AK9: variants seen among roughly 807,000 people sequenced by gnomAD.
AK9 encodes the protein adenylate kinase domain containing 1.
AK9 carries 191 observed loss-of-function variants against 239.6 expected under a neutral mutation model. That is an observed-to-expected ratio of 0.80 (90% CI 0.71 to 0.90). The LOEUF (loss-of-function observed/expected upper bound fraction) is 0.90. Among genes scored for constraint, AK9 ranks in the 40% least tolerant of loss-of-function variants. The probability of loss-of-function intolerance (pLI) is 0.00; values close to 1 mark genes in which losing one functional copy is unlikely to be tolerated. For synonymous variants in AK9, 689 were observed against 721.0 expected (o/e 0.96, Z 0.71); for missense variants, 1,995 against 2,214.7 (o/e 0.90, Z 1.99).
Position 109,641,722 on chromosome 6 carries a change from G to C in AK9, c.835-106C>G, listed in dbSNP as rs920838767. On this transcript the variant is annotated intron_variant, in intron 9 of 40. Coordinates refer to ENST00000424296, the MANE Select transcript of AK9 (RefSeq NM_001145128.3). Reference sequence around the variant, plus strand: ...CAAGACCATGCTCCCCCTGACTCTGGGTCGAATCCTTGCTTGCTTCTTCTG... The same window carrying C: ...CAAGACCATGCTCCCCCTGACTCTGCGTCGAATCCTTGCTTGCTTCTTCTG... The C allele has an allele frequency of 4.3e-6, 4 of 931,286 alleles. No homozygotes were observed. In the East Asian group the frequency reaches 8.3e-5, roughly 19 times the overall value. The allele number at this position is 931,286 out of a possible 1,614,324, so 57.7% of individuals were successfully genotyped here. A position where few individuals can be genotyped will look rare whatever the true frequency, so the allele number is the denominator to read the frequency against.
chr6:109,645,714 C>A (rs1385411005), intron 8 of AK9, among the ~76,000 whole-genome samples: 1 of 152,188 alleles, frequency 6.6e-6, no homozygotes, highest in Non-Finnish European at 1.5e-5. Context: ...GTGGTTCTCC[C>A]AGCACAGAGT....
intron 1 of AK9, among the ~76,000 whole-genome samples, chr6:109,677,977 A>T (rs1401689886): frequency 6.6e-6 from 1 of 152,244 alleles, no homozygotes; most frequent in Non-Finnish European, 1.5e-5. Flanking sequence ...TGGGAATATA[A>T]AATGGTATAG....
At chr6:109,579,747 T>C in intron 19 of AK9, 121 bp from the exon 20 acceptor site, 1 of 853,490 alleles carries the variant, frequency 1.2e-6, no homozygotes, top group Admixed American at 3.6e-5. Context: ...TACTTTACAA[T>C]GTATATTTTT....
intron 12 of AK9, among the ~76,000 whole-genome samples, chr6:109,627,532 G>C (rs947815025): frequency 1.6e-4 from 24 of 152,148 alleles, no homozygotes; most frequent in Non-Finnish European, 2.9e-5. Context: ...TAAGTAACTT[G>C]TGCTATGATG....
chr6:109,579,345 C>A (rs978739897), intron 20 of AK9: 8 of 489,080 alleles, frequency 1.6e-5, no homozygotes, highest in Admixed American at 7.7e-5. Context: ...TCCATTACTT[C>A]AGTAACAATA....
At chr6:109,682,733 C>T (rs142323057) in intron 1 of AK9, among the ~76,000 whole-genome samples, 32 of 152,228 alleles carry the variant, frequency 2.1e-4, no homozygotes, top group African/African-American at 7.0e-4. Context: ...CAATAACAAG[C>T]TCTGAAATTG....
intron 35 of AK9, among the ~76,000 whole-genome samples, chr6:109,501,461 T>C (rs12192774): frequency 0.051 from 7,828 of 152,030 alleles, 403 homozygotes; most frequent in East Asian, 0.23. Context: ...AAACAGGGAG[T>C]AGGAGAGGGG....
intron 17 of AK9, among the ~76,000 whole-genome samples, chr6:109,599,618 A>T (rs1177697033): frequency 2.6e-5 from 4 of 152,054 alleles, no homozygotes; most frequent in Admixed American, 1.3e-4. Flanking sequence ...GAAGAAAGTC[A>T]TTGGTAGCTT....
At chr6:109,673,642 C>A (rs1229184953) in intron 3 of AK9, among the ~76,000 whole-genome samples, 2 of 151,860 alleles carry the variant, frequency 1.3e-5, no homozygotes, top group Non-Finnish European at 2.9e-5. Flanking sequence ...GAAAAATGTT[C>A]CTAAGAAAAG....
At chr6:109,541,862 G>C (rs368062507) in intron 27 of AK9, among the ~76,000 whole-genome samples, 185 bp downstream of exon 27, 1 of 152,182 alleles carries the variant, frequency 6.6e-6, no homozygotes, top group Non-Finnish European at 1.5e-5. Context: ...TTGGTGTGGG[G>C]TCCTGCAATC....
Position 109,497,507 on chromosome 6 carries a change from A to G in AK9, c.5273T>C (p.Ile1758Thr). ...INYALEYHNR[I>T]YICENKEKLQ... Reference sequence around the variant, plus strand: ...TTTTTCTTTGTTCTCACAAATATATATACGATTATGATATTCTAAAGCATA... The same window carrying G: ...TTTTTCTTTGTTCTCACAAATATATGTACGATTATGATATTCTAAAGCATA... Residue 1758 changes from isoleucine to threonine, a missense_variant, in exon 38 of 41, where the codon ATA becomes ACA. Transcript: ENST00000424296. 1 of 1,609,334 alleles carries G rather than the reference A, an allele frequency of 6.2e-7. No individual in the cohort carries two copies. The highest frequency in any genetic ancestry group is 8.5e-7 in the Non-Finnish European group (1 of 1,175,854).
rs578038013 is a variant in AK9, at chr6:109,554,787, C to T, written c.2752-4485G>A. ...CCTCAGGTGATCTGCCCGCCTTGGCCTTCCAAAGTGCTGGGAGTGCAGGCG... is the reference window on the plus strand; with the variant it reads ...CCTCAGGTGATCTGCCCGCCTTGGCTTTCCAAAGTGCTGGGAGTGCAGGCG... On this transcript the variant is annotated intron_variant, in intron 24 of 40. Coordinates refer to ENST00000424296, the MANE Select transcript of AK9 (RefSeq NM_001145128.3). Among the ~76,000 whole-genome samples the T allele has an allele frequency of 3.0e-4, 45 of 152,214 alleles. No homozygotes were observed. In the South Asian group the frequency reaches 9.1e-3, roughly 31 times the overall value.
chr6:109,629,691 G>A (rs899589813), intron 12 of AK9, among the ~76,000 whole-genome samples: 2 of 151,214 alleles, frequency 1.3e-5, no homozygotes, highest in Admixed American at 1.3e-4. Context: ...GGAGTGCAGC[G>A]GCGCGATCTC....
At chr6:109,507,346 A>G (rs1416242708) in intron 33 of AK9, among the ~76,000 whole-genome samples, 1 of 60,712 alleles carries the variant, frequency 1.6e-5, no homozygotes, top group Non-Finnish European at 4.3e-5. Flanking sequence ...CCAATATGGA[A>G]AAAAAAAAAG....
At chr6:109,525,810 T>A (rs1383862136) in intron 29 of AK9, among the ~76,000 whole-genome samples, 2 of 152,188 alleles carry the variant, frequency 1.3e-5, no homozygotes, top group Admixed American at 6.6e-5. Flanking sequence ...CCCAAAGGAA[T>A]AGAAATCGTT....
At chr6:109,504,354 C>T (rs1006274794) in intron 35 of AK9, among the ~76,000 whole-genome samples, 1 of 151,742 alleles carries the variant, frequency 6.6e-6, no homozygotes, top group African/African-American at 2.4e-5. Flanking sequence ...ACAGAGCAAG[C>T]CCCTGTCTCA....
intron 13 of AK9, 73 bp from the exon 14 acceptor site, chr6:109,614,553 C>T (rs1480124929): frequency 1.6e-6 from 2 of 1,243,400 alleles, no homozygotes; most frequent in Non-Finnish European, 2.3e-6. Context: ...GACCAAAAGC[C>T]CCTGCTTCAA....
intron 19 of AK9, among the ~76,000 whole-genome samples, chr6:109,584,901 G>C (rs1464244626): frequency 6.6e-6 from 1 of 151,990 alleles, no homozygotes; most frequent in Admixed American, 6.6e-5. Flanking sequence ...GCTTGATTTA[G>C]AATAAGTTTG....
At position 109,672,110 on chromosome 6, in the gene AK9, T is replaced by A. The variant is rs781021725; in HGVS notation, c.234+5A>T. The A allele has an allele frequency of 6.2e-7, 1 of 1,613,432 alleles. No homozygotes were observed. The highest frequency in any genetic ancestry group is 8.5e-7 in the Non-Finnish European group (1 of 1,179,708). The stretch of plus-strand genomic sequence containing the variant: ...ATAGTTACTTTGAAATTTAGGTTTG[T>A]TTACCATAACTCCTGATTCGGTTTC... On this transcript the variant is annotated splice_donor_5th_base_variant and intron_variant, in intron 4 of 40. Coordinates refer to ENST00000424296, the MANE Select transcript of AK9 (RefSeq NM_001145128.3).
Sources: allele counts gnomAD v4.1 joint callset (sites outside exome capture counted in the v4.1 genomes callset), GRCh38; gene constraint gnomAD v4.1.1; transcripts MANE v1.5; gene names NCBI Gene and HGNC (gene_info 2026-07-23, HGNC 2026-07-21).